The following SLCO1B1 variants were observed in gnomAD, a reference collection of about 807,000 sequenced individuals.
The protein encoded by SLCO1B1 is solute carrier organic anion transporter family member 1B1, also known as OATP-2.
A neutral mutation model predicts 70.1 loss-of-function variants in SLCO1B1; 81 were observed. The observed-to-expected ratio is 1.16, with a 90% CI of 0.97 to 1.39. SLCO1B1 has a LOEUF of 1.39. Among genes scored for constraint, SLCO1B1 ranks in the 40% most tolerant of loss-of-function variants. The probability of loss-of-function intolerance (pLI) is 0.00; values close to 1 mark genes in which losing one functional copy is unlikely to be tolerated. For missense variants in SLCO1B1, 895 were observed against 799.6 expected, an observed-to-expected ratio of 1.12 and a Z score of -1.44; for synonymous variants, 283 against 271.5, an observed-to-expected ratio of 1.04 and a Z score of -0.42.
intron 2 of SLCO1B1, among the ~76,000 whole-genome samples, chr12:21,165,058 G>A (rs1156452361): frequency 6.6e-6 from 1 of 152,112 alleles, no homozygotes; most frequent in African/African-American, 2.4e-5. Context: ...TGTTTCTTGA[G>A]TAAATCAGTT....
At position 21,196,981 on chromosome 12, in the gene SLCO1B1, G is replaced by C. The variant is rs766769140; in HGVS notation, c.763G>C (p.Val255Leu). 3 of 1,613,490 alleles carry C rather than the reference G, an allele frequency of 1.9e-6. No individual in the cohort carries two copies. Among genetic ancestry groups the C allele is most frequent in the South Asian group, 1.1e-5 (1 of 91,060 alleles). ...GATAACTCCTACTGATTCTCGATGG[G>C]TTGGAGCTTGGTGGCTTAATTTCCT... ...IRITPTDSRWVGAWWLNFLVS... is the reference protein window; with the variant it reads ...IRITPTDSRWLGAWWLNFLVS... Residue 255 changes from valine (V) to leucine (L), a missense_variant, in exon 8 of 15, where the codon GTT becomes CTT. Transcript: ENST00000256958.
intron 2 of SLCO1B1, among the ~76,000 whole-genome samples, chr12:21,160,522 A>G (rs932980439): frequency 1.3e-5 from 2 of 152,154 alleles, no homozygotes; most frequent in African/African-American, 4.8e-5. Flanking sequence ...CTCCAGGCAG[A>G]CTAAAGACTT....
At chr12:21,194,255 G>A (rs1386718114) in intron 7 of SLCO1B1, among the ~76,000 whole-genome samples, 1 of 151,892 alleles carries the variant, frequency 6.6e-6, no homozygotes, top group Non-Finnish European at 1.5e-5. Context: ...GACCTCAGAT[G>A]ATCCACCCGT....
intron 11 of SLCO1B1, 150 bp downstream of exon 11, chr12:21,206,183 GT>G: frequency 1.5e-6 from 1 of 669,302 alleles, no homozygotes; most frequent in South Asian, 1.9e-5. Context: ...TGGGTGTGAT[GT>G]ATAAACAAAG....
At chr12:21,181,197 A>G (rs1457338562) in intron 7 of SLCO1B1, among the ~76,000 whole-genome samples, 6 of 152,202 alleles carry the variant, frequency 3.9e-5, no homozygotes, top group Non-Finnish European at 8.8e-5. Flanking sequence ...ATTGGTTTCC[A>G]AGAAAATCCA....
chr12:21,172,310 T>C (rs750311016), intron 2 of SLCO1B1, among the ~76,000 whole-genome samples: 5 of 152,190 alleles, frequency 3.3e-5, no homozygotes, highest in Non-Finnish European at 7.4e-5. Flanking sequence ...GCTATTCATA[T>C]GGAAATAAAG....
At chr12:21,160,107 A>T (rs771489462) in intron 2 of SLCO1B1, among the ~76,000 whole-genome samples, 11 of 21,548 alleles carry the variant, frequency 5.1e-4, no homozygotes, top group Non-Finnish European at 1.4e-3. Flanking sequence ...TCACAGAACT[A>T]AAAAAAAAAA....
intron 2 of SLCO1B1, among the ~76,000 whole-genome samples, chr12:21,160,446 C>T (rs1345299411): frequency 6.6e-6 from 1 of 151,728 alleles, no homozygotes; most frequent in Non-Finnish European, 1.5e-5. Context: ...GAAATTGGAC[C>T]CCTTCCTTAC....
chr12:21,215,260 C>G (rs569895802), intron 11 of SLCO1B1, among the ~76,000 whole-genome samples: 4 of 152,140 alleles, frequency 2.6e-5, no homozygotes, highest in Non-Finnish European at 5.9e-5. Context: ...TGCTCCTGTT[C>G]TTAAGAAGAA....
At chr12:21,147,131 G>C (rs924738558) in intron 2 of SLCO1B1, among the ~76,000 whole-genome samples, 2 of 147,924 alleles carry the variant, frequency 1.4e-5, no homozygotes, top group African/African-American at 4.9e-5. Context: ...GAAGTGTTAT[G>C]TTTTCTTAAG....
At chr12:21,232,487 T>A (rs1941548764) in intron 14 of SLCO1B1, among the ~76,000 whole-genome samples, 1 of 152,124 alleles carries the variant, frequency 6.6e-6, no homozygotes, top group Non-Finnish European at 1.5e-5. Context: ...CAGCAAAGTT[T>A]GTAACCGACC....
rs139844341 is a variant in SLCO1B1 at position 21,182,586 on chromosome 12, G to A, written c.727+3566G>A. Among the ~76,000 whole-genome samples the A allele has an allele frequency of 2.3e-4, 35 of 152,258 alleles. No individual in the cohort carries two copies. The East Asian group carries it at 6.4e-3, about 28-fold the overall frequency. On this transcript the variant is annotated intron_variant, in intron 7 of 14. Coordinates refer to ENST00000256958, the MANE Select transcript of SLCO1B1 (RefSeq NM_006446.5). ...CCTGGCCACACCTGCAAGAATATGT[G>A]CACAGCACAGCCTCCACTGCTCAGC...
At chr12:21,216,709 C>A (rs1941361551) in intron 11 of SLCO1B1, among the ~76,000 whole-genome samples, 1 of 152,156 alleles carries the variant, frequency 6.6e-6, no homozygotes, top group Non-Finnish European at 1.5e-5. Context: ...GCTAAATTAT[C>A]TGAATTCTTT....
At chr12:21,217,005 C>A in intron 11 of SLCO1B1, 114 bp from the exon 12 acceptor site, 1 of 793,748 alleles carries the variant, frequency 1.3e-6, no homozygotes, top group Non-Finnish European at 2.1e-6. Context: ...TCTTCTTAAA[C>A]TGTAAATATA....
chr12:21,139,885 T>C (rs1940282937), intron 1 of SLCO1B1, among the ~76,000 whole-genome samples: 2 of 152,094 alleles, frequency 1.3e-5, no homozygotes, highest in African/African-American at 2.4e-5. Flanking sequence ...ATGTTTCGAA[T>C]GGGCCCCAAA....
intron 2 of SLCO1B1, among the ~76,000 whole-genome samples, chr12:21,166,255 T>C (rs1277471884): frequency 6.6e-6 from 1 of 151,860 alleles, no homozygotes; most frequent in African/African-American, 2.4e-5. Flanking sequence ...GATCAAACTG[T>C]CAAAGGCCAA....
At chr12:21,146,516 C>T (rs2121049827) in intron 2 of SLCO1B1, among the ~76,000 whole-genome samples, 1 of 151,722 alleles carries the variant, frequency 6.6e-6, no homozygotes. Context: ...TTTGATTTTC[C>T]CAAGGTGGAA....
chr12:21,199,100 GT>G (rs888019331), intron 8 of SLCO1B1, among the ~76,000 whole-genome samples: 112 of 151,550 alleles, frequency 7.4e-4, no homozygotes, highest in African/African-American at 2.7e-3. Context: ...TTTCTTTTCT[GT>G]TTCTTTTCTC....
intron 11 of SLCO1B1, among the ~76,000 whole-genome samples, chr12:21,211,256 A>G (rs1036468830): frequency 6.6e-6 from 1 of 152,152 alleles, no homozygotes; most frequent in African/African-American, 2.4e-5. Context: ...ATTTATTGAG[A>G]GTTTTTAGCA....
Sources: allele counts gnomAD v4.1 joint callset (sites outside exome capture counted in the v4.1 genomes callset), GRCh38; gene constraint gnomAD v4.1.1; transcripts MANE v1.5; gene names NCBI Gene and HGNC (gene_info 2026-07-23, HGNC 2026-07-21).